The following SAMD12 variants were observed in gnomAD, a reference collection of about 807,000 sequenced individuals.
SAMD12 encodes the protein sterile alpha motif domain containing 12.
In SAMD12, 9 loss-of-function variants were observed where a neutral mutation model predicts 15.0. That is an observed-to-expected ratio of 0.60 (90% CI 0.36 to 1.05). SAMD12 has a LOEUF of 1.05. Ranked by LOEUF, SAMD12 falls within the 50% of genes least tolerant of loss-of-function variation. The probability of loss-of-function intolerance (pLI) is 0.01; values close to 1 mark genes in which losing one functional copy is unlikely to be tolerated. For missense variants in SAMD12, 230 were observed against 234.2 expected (o/e 0.98, Z 0.12); for synonymous variants, 86 against 90.1 (o/e 0.96, Z 0.25).
At chr8:118,454,253 A>G (rs1452742919) in intron 2 of SAMD12, among the ~76,000 whole-genome samples, 11 of 152,180 alleles carry the variant, frequency 7.2e-5, no homozygotes, top group Admixed American at 7.2e-4. Context: ...ACAATCCCTC[A>G]CAATTTTGAA....
chr8:118,482,540 T>A (rs183592451), intron 2 of SAMD12, among the ~76,000 whole-genome samples: 1 of 152,168 alleles, frequency 6.6e-6, no homozygotes, highest in Non-Finnish European at 1.5e-5. Context: ...AACAATGCAG[T>A]ATAGCAACTA....
intron 1 of SAMD12, among the ~76,000 whole-genome samples, chr8:118,592,186 TG>T (rs1827599451): frequency 6.6e-6 from 1 of 152,072 alleles, no homozygotes; most frequent in African/African-American, 2.4e-5. Context: ...CTGGGCATGG[TG>T]GTGCATGCCT....
intron 1 of SAMD12, among the ~76,000 whole-genome samples, chr8:118,617,915 C>T (rs975479103): frequency 1.3e-5 from 2 of 152,072 alleles, no homozygotes; most frequent in Admixed American, 6.5e-5. Context: ...TAGGTTTAAC[C>T]GTCTATACAC....
chr8:118,325,715 C>A (rs1038144807), intron 4 of SAMD12, among the ~76,000 whole-genome samples: 10 of 152,196 alleles, frequency 6.6e-5, no homozygotes, highest in Admixed American at 6.5e-4. Flanking sequence ...CCAACATCTC[C>A]TCACTGCTCC....
Position 118,446,602 on chromosome 8 carries a change from C to T in SAMD12, c.193-6641G>A, listed in dbSNP as rs138381087. Among the ~76,000 whole-genome samples the T allele has an allele frequency of 1.7e-3, 264 of 152,156 alleles. 5 individuals are homozygous for T. The East Asian group carries it at 0.043, about 25-fold the overall frequency. On this transcript the variant is annotated intron_variant, in intron 2 of 3. Coordinates refer to ENST00000314727, the MANE Select transcript of SAMD12 (RefSeq NM_207506.3). Reference sequence around the variant, plus strand: ...ACTTTCCCAGAAAATCCACAGCATCCGAAAACGTATCCTATGAAATAGGCC... The same window carrying T: ...ACTTTCCCAGAAAATCCACAGCATCTGAAAACGTATCCTATGAAATAGGCC...
At chr8:118,147,133 T>G in the SAMD12 span, among the ~76,000 whole-genome samples, 3 of 151,878 alleles carry the variant, frequency 2.0e-5, no homozygotes, top group Non-Finnish European at 4.4e-5. Context: ...CAAGTGATTC[T>G]CATGCCTCAG....
In SAMD12 at chr8:118,525,753, T is replaced by C. The variant is rs537917410; in HGVS notation, c.192+54962A>G. The stretch of plus-strand genomic sequence containing the variant: ...CAAATGACTCTGTAACCTGCCCTGC[T>C]CCTCCCAACCTCTTCTGTACTCCTA... On this transcript the variant is annotated intron_variant, in intron 2 of 3. Transcript: ENST00000314727. 4.6e-5 allele frequency among the ~76,000 whole-genome samples: 7 copies of C among 152,262 alleles called. No individual in the cohort carries two copies. The South Asian group carries it at 1.5e-3, about 32-fold the overall frequency.
intron 2 of SAMD12, among the ~76,000 whole-genome samples, chr8:118,573,899 A>G (rs1669480929): frequency 6.6e-6 from 1 of 152,242 alleles, no homozygotes; most frequent in Admixed American, 6.5e-5. Context: ...AGGCATTGAT[A>G]TTGCAGCAGT....
At chr8:118,442,377 G>A (rs1291014354) in intron 2 of SAMD12, among the ~76,000 whole-genome samples, 3 of 152,204 alleles carry the variant, frequency 2.0e-5, no homozygotes, top group Non-Finnish European at 4.4e-5. Context: ...CCTGCTGTGT[G>A]TTATGCCTAC....
intron 2 of SAMD12, among the ~76,000 whole-genome samples, chr8:118,475,866 T>G (rs1414234561): frequency 6.6e-6 from 1 of 152,186 alleles, no homozygotes; most frequent in Non-Finnish European, 1.5e-5. Flanking sequence ...ATTAACAAAT[T>G]ATTCACTGTT....
chr8:118,590,667 G>C (rs1336521399), intron 1 of SAMD12, among the ~76,000 whole-genome samples: 1 of 152,168 alleles, frequency 6.6e-6, no homozygotes, highest in Non-Finnish European at 1.5e-5. Flanking sequence ...TAAAAAGCTA[G>C]CTGAAATAAA....
the SAMD12 span, among the ~76,000 whole-genome samples, chr8:118,145,567 C>T: frequency 6.6e-6 from 1 of 152,142 alleles, no homozygotes; most frequent in African/African-American, 2.4e-5. Flanking sequence ...CTATGTTATC[C>T]AGATTCTCCA....
chr8:118,463,485 C>G (rs1396216215), intron 2 of SAMD12, among the ~76,000 whole-genome samples: 1 of 152,118 alleles, frequency 6.6e-6, no homozygotes, highest in Non-Finnish European at 1.5e-5. Flanking sequence ...CGGGCTCCCA[C>G]TGCTTGGCAC....
the SAMD12 span, among the ~76,000 whole-genome samples, chr8:118,180,945 G>A: frequency 6.6e-6 from 1 of 152,154 alleles, no homozygotes; most frequent in Non-Finnish European, 1.5e-5. Flanking sequence ...TGAGTACTGT[G>A]GGGGAACAGA....
chr8:118,333,881 TTGG>T (rs2130510913), intron 4 of SAMD12, among the ~76,000 whole-genome samples: 1 of 141,486 alleles, frequency 7.1e-6, no homozygotes, highest in Admixed American at 7.2e-5. Context: ...TGTGTGTGCG[TTGG>T]TGGGGGATAT....
intron 2 of SAMD12, among the ~76,000 whole-genome samples, chr8:118,442,863 C>T (rs529175989): frequency 6.6e-6 from 1 of 152,290 alleles, no homozygotes; most frequent in South Asian, 2.1e-4. Context: ...GTTGCTTATA[C>T]ATCAATATAT....
intron 4 of SAMD12, among the ~76,000 whole-genome samples, chr8:118,329,945 T>G (rs543823191): frequency 6.6e-6 from 1 of 152,168 alleles, no homozygotes; most frequent in East Asian, 1.9e-4. Flanking sequence ...TTAAGAATAT[T>G]AATGAGGGCT....
intron 4 of SAMD12, among the ~76,000 whole-genome samples, chr8:118,243,389 C>T (rs1812616113): frequency 6.6e-6 from 1 of 151,982 alleles, no homozygotes; most frequent in African/African-American, 2.4e-5. Flanking sequence ...TGCCATGAAT[C>T]AAGTAGCACT....
At chr8:118,269,220 C>CTCTGTGTGTGTGTGTG (rs1299970707) in intron 4 of SAMD12, among the ~76,000 whole-genome samples, 1 of 123,006 alleles carries the variant, frequency 8.1e-6, no homozygotes, top group African/African-American at 3.4e-5. Flanking sequence ...CTCTCTCTCT[C>CTCTGTGTGTGTGTGTG]TGTGTGTGTG....
Sources: allele counts gnomAD v4.1 joint callset (sites outside exome capture counted in the v4.1 genomes callset), GRCh38; gene constraint gnomAD v4.1.1; transcripts MANE v1.5; gene names NCBI Gene and HGNC (gene_info 2026-07-23, HGNC 2026-07-21).